Variants in ABI1 observed in about 807,000 individuals in gnomAD.
The protein encoded by ABI1 is abl interactor 1, also known as Abelson interactor 1.
A neutral mutation model predicts 54.6 loss-of-function variants in ABI1; 14 were observed. That is an observed-to-expected ratio of 0.26 (90% CI 0.17 to 0.40). The LOEUF (loss-of-function observed/expected upper bound fraction) is 0.40. Ranked by LOEUF, ABI1 falls within the 10% of genes least tolerant of loss-of-function variation. The pLI is 1.00. For synonymous variants in ABI1, 194 were observed against 209.3 expected (o/e 0.93, Z 0.63); for missense variants, 443 against 598.3 (o/e 0.74, Z 2.71).
At chr10:26,779,259 C>A (rs1194000755) in intron 2 of ABI1, among the ~76,000 whole-genome samples, 1 of 152,142 alleles carries the variant, frequency 6.6e-6, no homozygotes, top group Admixed American at 6.5e-5. Flanking sequence ...GTCAACCAGG[C>A]AATGAATGAT....
intron 1 of ABI1, among the ~76,000 whole-genome samples, chr10:26,846,965 T>C (rs2050030939): frequency 6.6e-6 from 1 of 152,220 alleles, no homozygotes; most frequent in Non-Finnish European, 1.5e-5. Flanking sequence ...TCATGTCACA[T>C]GTACCTTCCC....
chr10:26,764,549 T>C (rs755657831), intron 7 of ABI1, among the ~76,000 whole-genome samples: 35 of 152,174 alleles, frequency 2.3e-4, no homozygotes, highest in Non-Finnish European at 3.2e-4. Flanking sequence ...TATCGTACAA[T>C]ACTGGTTTGC....
chr10:26,767,815 G>A (rs1277265479), intron 6 of ABI1, among the ~76,000 whole-genome samples: 1 of 152,136 alleles, frequency 6.6e-6, no homozygotes, highest in Non-Finnish European at 1.5e-5. Flanking sequence ...GGGAGGCCGA[G>A]GTGGGTGGAT....
chr10:26,832,875 G>A (rs1016317932), intron 1 of ABI1, among the ~76,000 whole-genome samples: 1 of 152,078 alleles, frequency 6.6e-6, no homozygotes, highest in African/African-American at 2.4e-5. Flanking sequence ...AATCTATTAA[G>A]TACAGAGTCA....
intron 1 of ABI1, among the ~76,000 whole-genome samples, chr10:26,854,698 A>G (rs1186641474): frequency 6.6e-6 from 1 of 152,210 alleles, no homozygotes; most frequent in Non-Finnish European, 1.5e-5. Context: ...TCAAAGTGCA[A>G]TTCTAGGAAT....
At chr10:26,812,339 T>C (rs1314877000) in intron 2 of ABI1, among the ~76,000 whole-genome samples, 2 of 152,168 alleles carry the variant, frequency 1.3e-5, no homozygotes, top group Non-Finnish European at 2.9e-5. Context: ...CTAGTACCAT[T>C]AACATACTTT....
intron 1 of ABI1, among the ~76,000 whole-genome samples, chr10:26,857,883 C>A (rs1411481677): frequency 2.0e-5 from 3 of 151,108 alleles, no homozygotes; most frequent in Admixed American, 6.6e-5. Context: ...AAAAACTGTC[C>A]TTTTTAATGT....
chr10:26,806,000 C>T (rs2046850809), intron 2 of ABI1, among the ~76,000 whole-genome samples: 1 of 151,870 alleles, frequency 6.6e-6, no homozygotes, highest in Non-Finnish European at 1.5e-5. Flanking sequence ...TTCTAATCAC[C>T]CTGAAAAAAC....
At chr10:26,856,949 G>C (rs1410345514) in intron 1 of ABI1, among the ~76,000 whole-genome samples, 5 of 152,058 alleles carry the variant, frequency 3.3e-5, no homozygotes, top group Non-Finnish European at 7.4e-5. Context: ...CACTGTCCTT[G>C]GCATGAAAAA....
intron 7 of ABI1, among the ~76,000 whole-genome samples, chr10:26,759,832 A>T (rs1339150330): frequency 6.6e-6 from 1 of 152,068 alleles, no homozygotes; most frequent in African/African-American, 2.4e-5. Context: ...ATATTAAGTA[A>T]AATCATTTTT....
chr10:26,761,511 C>T (rs986510910), intron 7 of ABI1, among the ~76,000 whole-genome samples: 1 of 149,058 alleles, frequency 6.7e-6, no homozygotes, highest in South Asian at 2.1e-4. Context: ...CTCAAGAAAT[C>T]GAATATTAAC....
At position 26,839,684 on chromosome 10, in the gene ABI1, C is replaced by T. The variant is rs907544537; in HGVS notation, c.118-16379G>A. 13 of 656,010 alleles carry T rather than the reference C, an allele frequency of 2.0e-5. No individual in the cohort carries two copies. The East Asian group carries it at 3.5e-4, about 18-fold the overall frequency. 40.6% of individuals were successfully genotyped at this position (656,010 alleles called of 1,614,324 possible). Reference sequence around the variant, plus strand: ...AAAAAAAACATGCCAGGCTTGGTGGCTCACACCTGTAATCCCAATGCGTTG... The same window carrying T: ...AAAAAAAACATGCCAGGCTTGGTGGTTCACACCTGTAATCCCAATGCGTTG... On this transcript the variant is annotated intron_variant, in intron 1 of 10. Transcript: ENST00000376140.
chr10:26,857,320 CAAAAAAAAAAAAAAA>C (rs71403897), intron 1 of ABI1, among the ~76,000 whole-genome samples: 15 of 75,968 alleles, frequency 2.0e-4, no homozygotes, highest in Admixed American at 3.4e-4. Flanking sequence ...GACTCCATCT[CAAAAAAAAAAAAAAA>C]AAAAAAAAAA....
chr10:26,768,169 G>A (rs1159507198), intron 6 of ABI1, among the ~76,000 whole-genome samples: 4 of 151,862 alleles, frequency 2.6e-5, no homozygotes, highest in African/African-American at 9.7e-5. Flanking sequence ...TTTAAATCAC[G>A]TTGTATAATT....
chr10:26,792,046 C>A (rs981739843), intron 2 of ABI1, among the ~76,000 whole-genome samples: 1 of 152,068 alleles, frequency 6.6e-6, no homozygotes, highest in African/African-American at 2.4e-5. Context: ...TAAGCCCAAA[C>A]ACAAGCAAAA....
chr10:26,769,655 GT>G, intron 5 of ABI1, among the ~76,000 whole-genome samples: 1 of 152,116 alleles, frequency 6.6e-6, no homozygotes, highest in East Asian at 1.9e-4. Flanking sequence ...GCTATATTTA[GT>G]ACACTGAGAA....
chr10:26,809,711 T>C (rs984133453), intron 2 of ABI1, among the ~76,000 whole-genome samples: 2 of 152,154 alleles, frequency 1.3e-5, no homozygotes, highest in Non-Finnish European at 2.9e-5. Flanking sequence ...CTAATTAATG[T>C]TACTTTTCTT....
intron 2 of ABI1, among the ~76,000 whole-genome samples, chr10:26,787,926 T>G (rs1842909881): frequency 6.6e-6 from 1 of 152,180 alleles, no homozygotes; most frequent in South Asian, 2.1e-4. Flanking sequence ...CTAACTCTTT[T>G]GCTTATTGGA....
At chr10:26,766,247 G>A (rs1355750343) in intron 6 of ABI1, among the ~76,000 whole-genome samples, 3 of 152,142 alleles carry the variant, frequency 2.0e-5, no homozygotes, top group South Asian at 2.1e-4. Flanking sequence ...CCAACTCCTC[G>A]CTATTCTACT....
Sources: gnomAD v4.1 joint callset for allele counts (sites outside exome capture counted in the v4.1 genomes callset) on GRCh38, gnomAD v4.1.1 for gene constraint, MANE v1.5 for transcripts, NCBI Gene and HGNC (gene_info 2026-07-23, HGNC 2026-07-21) for gene names.